Variants in COL15A1 observed in about 807,000 individuals in gnomAD.
The protein encoded by COL15A1 is collagen type XV alpha 1 chain.
A neutral mutation model predicts 165.9 loss-of-function variants in COL15A1; 111 were observed. The ratio of observed to expected loss-of-function variants is 0.67; its 90% CI spans 0.57 to 0.78. COL15A1 has a LOEUF of 0.78. COL15A1 is among the 30% of genes least tolerant of loss of function. COL15A1 has a pLI of 0.00. For missense variants in COL15A1, 1,745 were observed against 1,789.7 expected (o/e 0.98, Z 0.45); for synonymous variants, 659 against 674.8 (o/e 0.98, Z 0.36).
chr9:98,990,195 G>A (rs1838394277), intron 5 of COL15A1, among the ~76,000 whole-genome samples: 1 of 152,178 alleles, frequency 6.6e-6, no homozygotes, highest in Admixed American at 6.5e-5. Flanking sequence ...TCTGTACAGA[G>A]GTGTACGGAA....
At chr9:98,986,785 T>A (rs535261406) in intron 3 of COL15A1, among the ~76,000 whole-genome samples, 1 of 152,338 alleles carries the variant, frequency 6.6e-6, no homozygotes, top group African/African-American at 2.4e-5. Flanking sequence ...CATTGGAGAA[T>A]GTTAAGAAGT....
intron 34 of COL15A1, 113 bp downstream of exon 34, chr9:99,055,485 G>A (rs534315253): frequency 1.5e-6 from 1 of 677,168 alleles, no homozygotes; most frequent in East Asian, 2.7e-5. Context: ...TGGAGGCAGA[G>A]CTTGGGGATT....
intron 4 of COL15A1, among the ~76,000 whole-genome samples, 175 bp downstream of exon 4, chr9:98,987,543 C>T (rs1384306497): frequency 6.6e-6 from 1 of 152,152 alleles, no homozygotes; most frequent in African/African-American, 2.4e-5. Flanking sequence ...GAGCATCAGC[C>T]ATCTCTGGTG....
intron 7 of COL15A1, 39 bp downstream of exon 7, chr9:99,000,990 A>G: frequency 1.1e-6 from 1 of 926,126 alleles, no homozygotes; most frequent in Non-Finnish European, 1.8e-6. Context: ...AGTCAGTAGT[A>G]GGCTTGTTTG....
At chr9:98,972,951 A>G (rs966766094) in intron 2 of COL15A1, among the ~76,000 whole-genome samples, 1 of 152,168 alleles carries the variant, frequency 6.6e-6, no homozygotes, top group Non-Finnish European at 1.5e-5. Flanking sequence ...GAGGATTCTG[A>G]GTGAGTGACT....
intron 30 of COL15A1, among the ~76,000 whole-genome samples, chr9:99,051,352 A>T (rs931215080): frequency 2.0e-5 from 3 of 152,216 alleles, no homozygotes; most frequent in Non-Finnish European, 4.4e-5. Context: ...GATAGGCTCA[A>T]AGCATTTTTA....
Position 99,015,990 on chromosome 9 carries a change from A to T in COL15A1, c.1518A>T (p.Glu506Asp), listed in dbSNP as rs35250850. 5.1e-5 allele frequency: 82 copies of T among 1,613,468 alleles called. No individual in the cohort carries two copies. In the African/African-American group the frequency reaches 1.0e-3, roughly 20 times the overall value. ...ERAVTSGPGDEEDLAAATTEE... is the reference protein window; with the variant it reads ...ERAVTSGPGDDEDLAAATTEE... ...TTTGTTTTCAGGGTCCTGGTGATGAAGAAGACTTGGCAGCAGCCACAACAG... is the reference window on the plus strand; with the variant it reads ...TTTGTTTTCAGGGTCCTGGTGATGATGAAGACTTGGCAGCAGCCACAACAG... Residue 506 changes from glutamate to aspartate, a missense_variant, in exon 11 of 42, where the codon GAA becomes GAT. Glu to Asp is a conservative substitution (Grantham distance 45). Transcript: ENST00000375001.
chr9:99,048,710 A>T (rs1839535378), intron 28 of COL15A1, among the ~76,000 whole-genome samples: 1 of 103,234 alleles, frequency 9.7e-6, no homozygotes, highest in Admixed American at 1.4e-4. Context: ...ACCCCACAAC[A>T]GTCCCCGGAG....
intron 23 of COL15A1, chr9:99,040,835 T>C (rs1264117047): frequency 6.2e-6 from 3 of 483,248 alleles, no homozygotes; most frequent in African/African-American, 5.8e-5. Flanking sequence ...CTGAACTTTT[T>C]ACATTTTCTA....
chr9:99,018,521 T>C (rs1330399483), intron 11 of COL15A1, among the ~76,000 whole-genome samples: 1 of 152,220 alleles, frequency 6.6e-6, no homozygotes, highest in African/African-American at 2.4e-5. Context: ...GGAGATAGTC[T>C]GATAGCCTTT....
intron 19 of COL15A1, among the ~76,000 whole-genome samples, chr9:99,035,862 C>T (rs550393529): frequency 5.9e-5 from 9 of 152,300 alleles, no homozygotes; most frequent in African/African-American, 1.9e-4. Flanking sequence ...GATGCCGGCT[C>T]TCAGGAGGAC....
At position 99,063,260 on chromosome 9, in the gene COL15A1, G is replaced by A. The variant is rs570693103; in HGVS notation, c.3651+151G>A. Reference sequence around the variant, plus strand: ...AAACAGAGAATTACAATACAGTGTGGTAAGTTGTTTGGGTGAACCAAGCAC... The same window carrying A: ...AAACAGAGAATTACAATACAGTGTGATAAGTTGTTTGGGTGAACCAAGCAC... On this transcript the variant is annotated intron_variant, in intron 39 of 41. Transcript: ENST00000375001. 17 of 1,056,964 alleles carry A rather than the reference G, an allele frequency of 1.6e-5. No individual in the cohort carries two copies. The African/African-American group carries it at 2.7e-4, about 17-fold the overall frequency. 65.5% of individuals were successfully genotyped at this position (1,056,964 alleles called of 1,614,324 possible). A position where few individuals can be genotyped will look rare whatever the true frequency, so the allele number is the denominator to read the frequency against.
intron 12 of COL15A1, among the ~76,000 whole-genome samples, 169 bp from the exon 13 acceptor site, chr9:99,021,922 A>G (rs1375914088): frequency 6.6e-6 from 1 of 152,212 alleles, no homozygotes; most frequent in African/African-American, 2.4e-5. Context: ...AGGGCTTCTG[A>G]GCCCTGGGGT....
intron 2 of COL15A1, 102 bp downstream of exon 2, chr9:98,944,352 C>T: frequency 1.7e-6 from 2 of 1,186,370 alleles, no homozygotes; most frequent in Admixed American, 2.0e-5. Context: ...CATTCCTGGA[C>T]ATAAAAGGGA....
rs1477977567 is a variant in COL15A1, at chr9:99,052,413, C to G, written c.2930C>G (p.Pro977Arg). The G allele has an allele frequency of 1.2e-6, 2 of 1,611,814 alleles. No homozygotes were observed. The highest frequency in any genetic ancestry group is 1.3e-5 in the African/African-American group (1 of 74,890). The change falls in exon 31 of 42, where the codon CCA becomes CGA. Residue 977 changes from proline to arginine, a missense_variant. Pro to Arg is a moderately radical substitution (Grantham distance 103, BLOSUM62 -2). Transcript: ENST00000375001. Reference protein sequence around the residue: ...MPVDTAHPGSPELITFHGVKG... With the variant: ...MPVDTAHPGSRELITFHGVKG... ...GTTGATACTGCTCATCCTGGGAGTC[C>G]AGAGCTCATCACTTTTCACGGTATA... is the stretch of plus-strand genomic sequence containing the variant.
chr9:99,032,815 C>T (rs1839229551), intron 16 of COL15A1, among the ~76,000 whole-genome samples: 1 of 152,176 alleles, frequency 6.6e-6, no homozygotes, highest in Non-Finnish European at 1.5e-5. Context: ...GTTATGCAGT[C>T]CTTCTGCAGA....
At chr9:99,056,188 A>G (rs755831118) in intron 34 of COL15A1, 72 bp from the exon 35 acceptor site, 21 of 1,406,796 alleles carry the variant, frequency 1.5e-5, no homozygotes, top group Non-Finnish European at 1.9e-5. Context: ...AAATATTCTC[A>G]TAAAAGGACT....
intron 19 of COL15A1, among the ~76,000 whole-genome samples, 148 bp from the exon 20 acceptor site, chr9:99,036,013 CCTTCTGACT>C (rs1325786541): frequency 6.6e-6 from 1 of 152,184 alleles, no homozygotes; most frequent in African/African-American, 2.4e-5. Context: ...AGTGTTGCTT[CCTTCTGACT>C]CCAGAAGGGG....
intron 2 of COL15A1, among the ~76,000 whole-genome samples, chr9:98,952,891 T>C (rs931803156): frequency 1.3e-5 from 2 of 152,260 alleles, no homozygotes; most frequent in African/African-American, 4.8e-5. Flanking sequence ...TGTGCTAATA[T>C]GTGTATGTCG....
Sources: gnomAD v4.1 joint callset for allele counts (sites outside exome capture counted in the v4.1 genomes callset) on GRCh38, gnomAD v4.1.1 for gene constraint, MANE v1.5 for transcripts, NCBI Gene and HGNC (gene_info 2026-07-23, HGNC 2026-07-21) for gene names.